Variants in CSTPP1 observed in about 807,000 individuals in gnomAD.
CSTPP1 encodes UPF0705 protein C11orf49.
At chr11:47,055,939 C>A in the CSTPP1 span, among the ~76,000 whole-genome samples, 5 of 152,146 alleles carry the variant, frequency 3.3e-5, no homozygotes, top group Admixed American at 1.3e-4. Flanking sequence ...TCTATGTAAA[C>A]AAAACTGGGA....
chr11:47,025,946 G>A, the CSTPP1 span, among the ~76,000 whole-genome samples: 1 of 152,196 alleles, frequency 6.6e-6, no homozygotes, highest in Admixed American at 6.5e-5. Context: ...TGATCTGGCA[G>A]TAAAACAGAC....
At chr11:47,081,926 C>CA in the CSTPP1 span, among the ~76,000 whole-genome samples, 4 of 141,526 alleles carry the variant, frequency 2.8e-5, no homozygotes, top group South Asian at 4.6e-4. Context: ...TCTGTCTCTA[C>CA]AAAAAAACCT....
At chr11:47,150,325 G>C in the CSTPP1 span, among the ~76,000 whole-genome samples, 1 of 152,156 alleles carries the variant, frequency 6.6e-6, no homozygotes, top group African/African-American at 2.4e-5. Flanking sequence ...GGTGCCACCT[G>C]GCCAGAGGAA....
chr11:46,981,797 G>A, the CSTPP1 span, among the ~76,000 whole-genome samples: 33 of 151,968 alleles, frequency 2.2e-4, no homozygotes, highest in Admixed American at 1.1e-3. Context: ...GGTTGTATAA[G>A]AATTACATGT....
chr11:46,965,808 C>T, the CSTPP1 span, among the ~76,000 whole-genome samples: 1 of 152,108 alleles, frequency 6.6e-6, no homozygotes, highest in African/African-American at 2.4e-5. Flanking sequence ...ATAGTAGTTT[C>T]TTACAGGTTA....
chr11:47,090,936 G>C, the CSTPP1 span, among the ~76,000 whole-genome samples: 2 of 151,262 alleles, frequency 1.3e-5, no homozygotes, highest in Non-Finnish European at 2.9e-5. Context: ...CTACTCGGGA[G>C]GCTGAGGCAG....
At chr11:47,132,072 AGT>A in the CSTPP1 span, among the ~76,000 whole-genome samples, 1 of 152,204 alleles carries the variant, frequency 6.6e-6, no homozygotes, top group Admixed American at 6.5e-5. Context: ...AAGCCCATGA[AGT>A]GTAGTACACT....
At chr11:47,014,847 GA>G in the CSTPP1 span, among the ~76,000 whole-genome samples, 1 of 151,956 alleles carries the variant, frequency 6.6e-6, no homozygotes, top group Non-Finnish European at 1.5e-5. Context: ...GGGGGAAGGG[GA>G]TGGAAAGAGT....
the CSTPP1 span, among the ~76,000 whole-genome samples, chr11:47,135,174 CTCT>C: frequency 6.6e-6 from 1 of 152,078 alleles, no homozygotes; most frequent in Non-Finnish European, 1.5e-5. Context: ...CCTTCCTCCT[CTCT>C]TCTTCTCACC....
At chr11:46,992,097 T>C in the CSTPP1 span, among the ~76,000 whole-genome samples, 2 of 152,172 alleles carry the variant, frequency 1.3e-5, no homozygotes, top group African/African-American at 4.8e-5. Flanking sequence ...TTGCATATAA[T>C]AGATGTTAGC....
the CSTPP1 span, among the ~76,000 whole-genome samples, chr11:46,938,621 T>C: frequency 6.6e-6 from 1 of 151,782 alleles, no homozygotes; most frequent in South Asian, 2.1e-4. Context: ...GTTGGAGTCA[T>C]ACAGTGTGTA....
chr11:47,030,487 C>T, the CSTPP1 span, among the ~76,000 whole-genome samples: 1 of 152,126 alleles, frequency 6.6e-6, no homozygotes, highest in Non-Finnish European at 1.5e-5. Context: ...ATATATAGAT[C>T]CAGTATGGTT....
the CSTPP1 span, among the ~76,000 whole-genome samples, chr11:47,065,977 T>TTTTGTGTGTGTG: frequency 6.8e-6 from 1 of 146,000 alleles, no homozygotes. Context: ...GGTCTAACAG[T>TTTTGTGTGTGTG]TGTGTGTGTG....
chr11:46,977,918 G>T, the CSTPP1 span, among the ~76,000 whole-genome samples: 1 of 152,318 alleles, frequency 6.6e-6, no homozygotes, highest in East Asian at 1.9e-4. Context: ...GCAACAGAAA[G>T]AGTAGTTGAG....
the CSTPP1 span, among the ~76,000 whole-genome samples, chr11:46,996,096 C>T: frequency 8.5e-5 from 13 of 152,140 alleles, no homozygotes; most frequent in Non-Finnish European, 1.5e-5. Context: ...ACTAGGATTG[C>T]AACCCCTGCT....
At chr11:47,152,282 G>C in the CSTPP1 span, among the ~76,000 whole-genome samples, 1 of 152,130 alleles carries the variant, frequency 6.6e-6, no homozygotes, top group Admixed American at 6.5e-5. Flanking sequence ...CCGTATTAAG[G>C]GCACCTGCAG....
At chr11:46,981,059 G>A in the CSTPP1 span, among the ~76,000 whole-genome samples, 1 of 152,060 alleles carries the variant, frequency 6.6e-6, no homozygotes, top group Admixed American at 6.6e-5. Context: ...ATTCCATCTT[G>A]AGGAATCTAC....
the CSTPP1 span, among the ~76,000 whole-genome samples, chr11:47,114,815 C>T: frequency 6.6e-5 from 10 of 152,046 alleles, no homozygotes; most frequent in African/African-American, 2.4e-4. Context: ...AATTGAATAC[C>T]CTTTATTTCT....
chr11:47,076,064 A>G, the CSTPP1 span, among the ~76,000 whole-genome samples: 3 of 152,070 alleles, frequency 2.0e-5, no homozygotes, highest in African/African-American at 7.2e-5. Context: ...CCCTCCCCCA[A>G]CTTCAAGCAT....
Sources: gnomAD v4.1 joint callset for allele counts (sites outside exome capture counted in the v4.1 genomes callset) on GRCh38, gnomAD v4.1.1 for gene constraint, MANE v1.5 for transcripts, NCBI Gene and HGNC (gene_info 2026-07-23, HGNC 2026-07-21) for gene names.